Variants in RUNX1 observed in about 807,000 individuals in gnomAD.
RUNX1 encodes RUNX family transcription factor 1, also known as runt-related transcription factor 1.
In RUNX1, 19 loss-of-function variants were observed where a neutral mutation model predicts 42.8. The observed-to-expected ratio is 0.44, with a 90% confidence interval of 0.31 to 0.65. The LOEUF is 0.65. RUNX1 is among the 30% of genes least tolerant of loss of function. The pLI, the probability that RUNX1 is intolerant of heterozygous loss-of-function variation, is 0.07. For synonymous variants in RUNX1, 271 were observed against 289.4 expected (o/e 0.94, Z 0.64); for missense variants, 528 against 672.0 (o/e 0.79, Z 2.37).
At chr21:34,816,080 G>A (rs1014544269) in intron 7 of RUNX1, among the ~76,000 whole-genome samples, 1 of 152,198 alleles carries the variant, frequency 6.6e-6, no homozygotes, top group Non-Finnish European at 1.5e-5. Context: ...GAAAGGAGAA[G>A]GAAAGAATGG....
At chr21:34,829,999 A>T (rs915276798) in intron 7 of RUNX1, 1 of 152,230 alleles carries the variant, frequency 6.6e-6, no homozygotes, top group African/African-American at 2.4e-5. Context: ...TCAGTATCTC[A>T]GAGTTTTGCA....
At chr21:34,933,481 A>T (rs2058462994) in intron 2 of RUNX1, among the ~76,000 whole-genome samples, 1 of 152,232 alleles carries the variant, frequency 6.6e-6, no homozygotes, top group Non-Finnish European at 1.5e-5. Context: ...GTGGGATGTT[A>T]TCAATCCTTC....
At chr21:34,984,769 T>C (rs2058872709) in intron 2 of RUNX1, among the ~76,000 whole-genome samples, 1 of 152,184 alleles carries the variant, frequency 6.6e-6, no homozygotes, top group Non-Finnish European at 1.5e-5. Flanking sequence ...GGCACATGTC[T>C]GCAAAGTAGT....
At chr21:34,850,286 AC>A (rs1952806424) in intron 6 of RUNX1, among the ~76,000 whole-genome samples, 1 of 152,052 alleles carries the variant, frequency 6.6e-6, no homozygotes. Flanking sequence ...GCCCCATCAG[AC>A]CCCCAAAGGA....
chr21:34,853,536 T>C (rs1416084970), intron 6 of RUNX1, among the ~76,000 whole-genome samples: 4 of 152,212 alleles, frequency 2.6e-5, no homozygotes, highest in Non-Finnish European at 2.9e-5. Flanking sequence ...GCTTACTAGT[T>C]GCGTGACTTT....
intron 2 of RUNX1, among the ~76,000 whole-genome samples, chr21:34,943,262 A>G (rs540794783): frequency 2.0e-5 from 3 of 152,350 alleles, no homozygotes; most frequent in Admixed American, 6.5e-5. Context: ...CTGCCCAGGA[A>G]CTGAAAAACA....
intron 2 of RUNX1, among the ~76,000 whole-genome samples, chr21:34,899,736 C>T (rs1030993551): frequency 8.5e-5 from 13 of 152,238 alleles, no homozygotes; most frequent in Admixed American, 5.9e-4. Context: ...CACCCATTCT[C>T]AGCCCATGCA....
chr21:34,938,595 A>G (rs556896265), intron 2 of RUNX1, among the ~76,000 whole-genome samples: 1 of 151,776 alleles, frequency 6.6e-6, no homozygotes, highest in Non-Finnish European at 1.5e-5. Flanking sequence ...TTATTCTTGG[A>G]AATTAATGCT....
chr21:34,998,005 T>C (rs906428140), intron 2 of RUNX1, among the ~76,000 whole-genome samples: 2 of 152,202 alleles, frequency 1.3e-5, no homozygotes, highest in African/African-American at 2.4e-5. Flanking sequence ...GGGCCATCTC[T>C]ACTCTCCTCC....
chr21:34,839,108 G>A (rs1267337328), intron 6 of RUNX1, among the ~76,000 whole-genome samples: 1 of 152,092 alleles, frequency 6.6e-6, no homozygotes, highest in East Asian at 1.9e-4. Context: ...CTGGAGAATG[G>A]CCACAGAAAT....
At chr21:34,837,403 G>A (rs1265883830) in intron 6 of RUNX1, among the ~76,000 whole-genome samples, 2 of 152,084 alleles carry the variant, frequency 1.3e-5, no homozygotes, top group Non-Finnish European at 1.5e-5. Flanking sequence ...TTCAGGGTGT[G>A]GTTTGGATGC....
At chr21:34,885,704 A>ATTTT (rs1357807682) in intron 4 of RUNX1, among the ~76,000 whole-genome samples, 1 of 152,230 alleles carries the variant, frequency 6.6e-6, no homozygotes, top group Non-Finnish European at 1.5e-5. Context: ...GAACTATAAA[A>ATTTT]AGCTTATATT....
At chr21:34,858,878 C>T (rs7283251) in intron 6 of RUNX1, among the ~76,000 whole-genome samples, 49,879 of 152,136 alleles carry the variant, frequency 0.33, 11,066 homozygotes, top group African/African-American at 0.64. Flanking sequence ...TTAAAAGCTT[C>T]CCTCACAGGA....
In RUNX1 at chr21:34,952,781, A is replaced by G. The variant is rs573216123; in HGVS notation, c.59-59818T>C. ...AGGTCATAATTACTGTTTGCTGGGA[A>G]CATACTGGGTACTGGTGTTAGGCAG... On this transcript the variant is annotated intron_variant, in intron 2 of 8. Coordinates refer to ENST00000675419, the MANE Select transcript of RUNX1 (RefSeq NM_001754.5). 5.3e-5 allele frequency among the ~76,000 whole-genome samples: 8 copies of G among 152,292 alleles called. No individual in the cohort carries two copies. In the East Asian group the frequency reaches 1.5e-3, roughly 29 times the overall value.
chr21:34,798,113 C>T (rs1353867764), intron 8 of RUNX1: 1 of 456,646 alleles, frequency 2.2e-6, no homozygotes, highest in Non-Finnish European at 4.4e-6. Flanking sequence ...CAACATTACA[C>T]AACATTTAAA....
intron 2 of RUNX1, among the ~76,000 whole-genome samples, chr21:34,933,175 G>A (rs1426241788): frequency 6.6e-6 from 1 of 152,160 alleles, no homozygotes; most frequent in African/African-American, 2.4e-5. Context: ...GAAAATTAGT[G>A]GTTGGGAACA....
chr21:34,930,719 TCACACACACACA>T, intron 2 of RUNX1, among the ~76,000 whole-genome samples: 1 of 140,594 alleles, frequency 7.1e-6, no homozygotes, highest in Admixed American at 7.1e-5. Flanking sequence ...TCTCTCTCTC[TCACACACACACA>T]CACACACACA....
At chr21:34,957,638 G>A (rs543417558) in intron 2 of RUNX1, among the ~76,000 whole-genome samples, 3 of 152,250 alleles carry the variant, frequency 2.0e-5, no homozygotes, top group East Asian at 1.9e-4. Context: ...CCTCTGGGCC[G>A]TTCAGATATT....
In RUNX1 at chr21:34,823,460, T is replaced by C. The variant is rs796421074; in HGVS notation, c.805+10950A>G. 5.0e-4 allele frequency among the ~76,000 whole-genome samples: 64 copies of C among 128,304 alleles called. No homozygotes were observed. In the South Asian group the frequency reaches 0.014, roughly 28 times the overall value. 84.2% of individuals were successfully genotyped at this position (128,304 alleles called of 152,430 possible). A position where few individuals can be genotyped will look rare whatever the true frequency, so the allele number is the denominator to read the frequency against. Reference sequence around the variant, plus strand: ...TTTTTTTTTTTTTTTTTTTTTTTTTTCAGATGGAGTTTCACTCTTGTCACC... The same window carrying C: ...TTTTTTTTTTTTTTTTTTTTTTTTTCCAGATGGAGTTTCACTCTTGTCACC... On this transcript the variant is annotated intron_variant, in intron 7 of 8. Transcript: ENST00000675419.
Sources: gnomAD v4.1 joint callset for allele counts (sites outside exome capture counted in the v4.1 genomes callset) on GRCh38, gnomAD v4.1.1 for gene constraint, MANE v1.5 for transcripts, NCBI Gene and HGNC (gene_info 2026-07-23, HGNC 2026-07-21) for gene names.